RHBDD1: variants seen among roughly 807,000 people sequenced by gnomAD.
RHBDD1 encodes rhomboid domain containing 1.
A neutral mutation model predicts 36.3 loss-of-function variants in RHBDD1; 38 were observed. The observed-to-expected ratio is 1.05, with a 90% confidence interval of 0.81 to 1.37. RHBDD1 has a LOEUF of 1.37. Ranked by LOEUF, RHBDD1 falls within the 40% of genes most tolerant of loss-of-function variation. RHBDD1 has a pLI of 0.00. For synonymous variants in RHBDD1, 151 were observed against 136.5 expected (o/e 1.11, Z -0.74); for missense variants, 393 against 377.6 (o/e 1.04, Z -0.34).
At chr2:226,834,804 TAG>T (rs140341412), upstream of RHBDD1, among the ~76,000 whole-genome samples, 1,432 of 152,180 alleles carry the variant, frequency 9.4e-3, 14 homozygotes, top group Middle Eastern at 0.031. Context: ...TTTTTTGAGA[TAG>T]AGTCATGCTC....
At chr2:226,988,254 A>G in intron 8 of RHBDD1, 1 of 1,383,040 alleles carries the variant, frequency 7.2e-7, no homozygotes, top group Non-Finnish European at 9.7e-7. Flanking sequence ...TAGGACTCAT[A>G]TCAGGGCCCT....
At chr2:226,844,676 G>T (rs193012449) in intron 3 of RHBDD1, among the ~76,000 whole-genome samples, 1 of 152,130 alleles carries the variant, frequency 6.6e-6, no homozygotes, top group South Asian at 2.1e-4. Flanking sequence ...ATCATGGGAC[G>T]CTGGCATTGC....
intron 5 of RHBDD1, among the ~76,000 whole-genome samples, chr2:226,901,582 G>T (rs1430439133): frequency 1.3e-5 from 2 of 152,110 alleles, no homozygotes; most frequent in Non-Finnish European, 2.9e-5. Flanking sequence ...CCTCACACAT[G>T]TGAGGTGATA....
chr2:226,800,825 C>T, the RHBDD1 span, among the ~76,000 whole-genome samples: 2 of 152,202 alleles, frequency 1.3e-5, no homozygotes, highest in Admixed American at 6.5e-5. Context: ...AGGGAGAAAA[C>T]AAGGATGGTG....
intron 5 of RHBDD1, among the ~76,000 whole-genome samples, chr2:226,884,531 T>A (rs985426734): frequency 6.6e-6 from 1 of 152,160 alleles, no homozygotes; most frequent in Non-Finnish European, 1.5e-5. Context: ...TTGTAGTCAT[T>A]TATAACACAT....
intron 8 of RHBDD1, among the ~76,000 whole-genome samples, chr2:226,947,494 T>C (rs1951066059): frequency 6.6e-6 from 1 of 152,122 alleles, no homozygotes; most frequent in South Asian, 2.1e-4. Context: ...CATGCTGTTT[T>C]GGTGACTGTA....
intron 4 of RHBDD1, among the ~76,000 whole-genome samples, chr2:226,865,600 G>A (rs1574863091): frequency 1.3e-5 from 2 of 152,268 alleles, no homozygotes; most frequent in Admixed American, 1.3e-4. Flanking sequence ...CAGGAGCCTA[G>A]GATTCATCGT....
At chr2:226,986,189 A>T (rs974168537) in intron 8 of RHBDD1, among the ~76,000 whole-genome samples, 1 of 152,238 alleles carries the variant, frequency 6.6e-6, no homozygotes, top group Non-Finnish European at 1.5e-5. Flanking sequence ...CATGGGGGTC[A>T]AGAAAGGACT....
chr2:226,889,245 C>T (rs1240047870), intron 5 of RHBDD1, among the ~76,000 whole-genome samples: 2 of 152,174 alleles, frequency 1.3e-5, no homozygotes, highest in Admixed American at 6.5e-5. Flanking sequence ...GTCACCCATT[C>T]GGCTAGAGGT....
chr2:226,870,876 GAGGAGAAT>G (rs1314756971), intron 5 of RHBDD1, among the ~76,000 whole-genome samples: 6 of 152,184 alleles, frequency 3.9e-5, no homozygotes, highest in African/African-American at 1.4e-4. Context: ...GGAGGAGGAG[GAGGAGAAT>G]AGGGGGAGGA....
intron 8 of RHBDD1, chr2:226,988,390 AACAG>A (rs1447279795): frequency 5.8e-6 from 9 of 1,550,562 alleles, no homozygotes; most frequent in East Asian, 2.4e-5. Context: ...TAAAGGTCAG[AACAG>A]ACAAAGGACC....
At chr2:226,959,705 A>G (rs77531111) in intron 8 of RHBDD1, among the ~76,000 whole-genome samples, 2,292 of 152,360 alleles carry the variant, frequency 0.015, 47 homozygotes, top group African/African-American at 0.052. Context: ...TAAAGCAGCT[A>G]TGAACATTCA....
chr2:226,874,957 C>T lies in RHBDD1; in HGVS notation c.566+7639C>T, dbSNP rs868783413. ...TCCTGGTTATTCAAAACCCAAATCA[C>T]ATAGTATCTATTGTATGCTACTTCC... On this transcript the variant is annotated intron_variant, in intron 5 of 8. Coordinates refer to ENST00000392062, the MANE Select transcript of RHBDD1 (RefSeq NM_001167608.3). 5.9e-5 allele frequency among the ~76,000 whole-genome samples: 9 copies of T among 152,332 alleles called. No individual in the cohort carries two copies. In the South Asian group the frequency reaches 1.9e-3, roughly 32 times the overall value.
rs115823474 is a variant in RHBDD1, at chr2:226,891,559, G to A, written c.567-15234G>A. On this transcript the variant is annotated intron_variant, in intron 5 of 8. Coordinates refer to ENST00000392062, the MANE Select transcript of RHBDD1 (RefSeq NM_001167608.3). ...ATCACCAGGGGTCATCTGAAAGTCT[G>A]TCTGCCCAGTTTCATTCTCAGAAGA... is the stretch of plus-strand genomic sequence containing the variant. Among the ~76,000 whole-genome samples, 1,119 of 152,286 alleles carry A rather than the reference G, an allele frequency of 7.3e-3. 13 individuals are homozygous for A. Among genetic ancestry groups the A allele is most frequent in the South Asian group, 0.043 (206 of 4,824 alleles).
chr2:226,834,576 T>C (rs1940824886), upstream of RHBDD1, among the ~76,000 whole-genome samples: 1 of 152,226 alleles, frequency 6.6e-6, no homozygotes, highest in South Asian at 2.1e-4. Context: ...AAAATAAATA[T>C]TTCTATGAAG....
chr2:226,920,693 T>G (rs1399116007), intron 8 of RHBDD1, among the ~76,000 whole-genome samples: 1 of 152,112 alleles, frequency 6.6e-6, no homozygotes, highest in Non-Finnish European at 1.5e-5. Context: ...ATTGATCTGC[T>G]TATGTTAAAC....
rs189946191 is a variant in RHBDD1, at chr2:226,934,752, T to C, written c.856+20401T>C. Among the ~76,000 whole-genome samples the C allele has an allele frequency of 6.6e-5, 10 of 152,258 alleles. No homozygotes were observed. In the East Asian group the frequency reaches 1.9e-3, roughly 29 times the overall value. ...ATAGAAAAATTTTGGAAAGGAGCCATGTTTTTCTTTGAGTCAAAAGGCAGA... is the reference window on the plus strand; with the variant it reads ...ATAGAAAAATTTTGGAAAGGAGCCACGTTTTTCTTTGAGTCAAAAGGCAGA... On this transcript the variant is annotated intron_variant, in intron 8 of 8. Transcript: ENST00000392062.
rs778524028 is a variant in RHBDD1, at chr2:226,908,871, T to A, written c.705T>A (p.Asn235Lys). ...VGYPGRQYYF[N>K]SSGSSGYQDY... ...ACCCAGGACGGCAATACTACTTTAA[T>A]AGTTCAGGTAGGCACTGTATTTCAT... is the stretch of plus-strand genomic sequence containing the variant. Residue 235 changes from asparagine to lysine, a missense_variant, in exon 7 of 9, where the codon AAT becomes AAA. By Grantham distance (94) the Asn-to-Lys change is moderately conservative (BLOSUM62 0). Transcript: ENST00000392062. The A allele has an allele frequency of 1.0e-5, 16 of 1,587,172 alleles. No individual in the cohort carries two copies. In the Admixed American group the frequency reaches 2.7e-4, roughly 26 times the overall value.
rs539764805 is a variant in RHBDD1, at chr2:226,953,820, G to C, written c.856+39469G>C. Among the ~76,000 whole-genome samples, 13 of 152,216 alleles carry C rather than the reference G, an allele frequency of 8.5e-5. No homozygotes were observed. The East Asian group carries it at 2.5e-3, about 29-fold the overall frequency. ...TTTAATGGGTTCCAGCGATCATTTT[G>C]GTGATGCGTTCTTAAGACCCAAATT... On this transcript the variant is annotated intron_variant, in intron 8 of 8. Coordinates refer to ENST00000392062, the MANE Select transcript of RHBDD1 (RefSeq NM_001167608.3).
Sources: allele counts gnomAD v4.1 joint callset (sites outside exome capture counted in the v4.1 genomes callset), GRCh38; gene constraint gnomAD v4.1.1; transcripts MANE v1.5; gene names NCBI Gene and HGNC (gene_info 2026-07-23, HGNC 2026-07-21).